Variants in FNIP2 observed in about 807,000 individuals in gnomAD.
FNIP2 encodes folliculin interacting protein 2.
FNIP2 carries 32 observed loss-of-function variants against 108.7 expected under a neutral mutation model. That is an observed-to-expected ratio of 0.29 (90% CI 0.22 to 0.40). FNIP2 has a LOEUF of 0.40. Among genes scored for constraint, FNIP2 ranks in the 10% least tolerant of loss-of-function variants. The pLI is 1.00. For synonymous variants in FNIP2, 480 were observed against 496.7 expected (o/e 0.97, Z 0.45); for missense variants, 1,202 against 1,381.6 (o/e 0.87, Z 2.06).
At chr4:158,826,127 T>C (rs1778142163) in intron 2 of FNIP2, 85 bp downstream of exon 2, 6 of 1,499,108 alleles carry the variant, frequency 4.0e-6, no homozygotes, top group Non-Finnish European at 4.5e-6. Context: ...TATCATCTTC[T>C]CTTTGAGTTA....
chr4:158,882,757 G>A (rs1781754792), intron 14 of FNIP2, among the ~76,000 whole-genome samples: 1 of 152,146 alleles, frequency 6.6e-6, no homozygotes, highest in African/African-American at 2.4e-5. Flanking sequence ...TGGATTAAGG[G>A]CGGTGCAAGA....
intron 15 of FNIP2, among the ~76,000 whole-genome samples, chr4:158,894,931 T>G (rs1392773202): frequency 6.6e-6 from 1 of 152,210 alleles, no homozygotes. Context: ...TCTGTTAATC[T>G]TTTTACCTTG....
At chr4:158,806,935 A>T (rs1777000018) in intron 1 of FNIP2, among the ~76,000 whole-genome samples, 1 of 152,150 alleles carries the variant, frequency 6.6e-6, no homozygotes, top group Non-Finnish European at 1.5e-5. Flanking sequence ...TGAACAGCAA[A>T]TTTTAATAAT....
intron 1 of FNIP2, among the ~76,000 whole-genome samples, chr4:158,782,807 T>C (rs1221246798): frequency 1.3e-5 from 2 of 152,196 alleles, no homozygotes; most frequent in African/African-American, 4.8e-5. Context: ...TAATCTTATC[T>C]ACAGAGTGCT....
chr4:158,773,728 T>C (rs1560746552), intron 1 of FNIP2, among the ~76,000 whole-genome samples: 2 of 152,176 alleles, frequency 1.3e-5, no homozygotes, highest in Non-Finnish European at 2.9e-5. Flanking sequence ...ACTTGCATAT[T>C]AGTTTTTTAA....
intron 12 of FNIP2, among the ~76,000 whole-genome samples, chr4:158,866,680 A>G (rs1314912193): frequency 6.6e-6 from 1 of 151,574 alleles, no homozygotes; most frequent in Non-Finnish European, 1.5e-5. Flanking sequence ...GGTTCAAGTT[A>G]TTCTCCTGCC....
chr4:158,879,059 GT>G lies in FNIP2; in HGVS notation c.2949+8591del, dbSNP rs937100441. Among the ~76,000 whole-genome samples the G allele has an allele frequency of 3.3e-5, 5 of 150,208 alleles. 1 individual carries two copies. The highest frequency in any genetic ancestry group is 1.2e-4 in the African/African-American group (5 of 40,240). On this transcript the variant is annotated intron_variant, in intron 14 of 16. Coordinates refer to ENST00000264433, the MANE Select transcript of FNIP2 (RefSeq NM_020840.3). Reference sequence around the variant, plus strand: ...TATCAAAGAGCAAGTAAAAGATGTGGTGGCCAGAGTGAAGAGACTTTATAGC... The same window carrying G: ...TATCAAAGAGCAAGTAAAAGATGTGGGGCCAGAGTGAAGAGACTTTATAGC...
intron 1 of FNIP2, among the ~76,000 whole-genome samples, chr4:158,822,162 TAG>T (rs1025219679): frequency 7.4e-5 from 11 of 148,984 alleles, no homozygotes; most frequent in African/African-American, 2.2e-4. Context: ...GTAAGAAGAA[TAG>T]AGTTTTCCTC....
At chr4:158,769,354 A>G in intron 1 of FNIP2, 35 bp downstream of exon 1, 1 of 1,419,268 alleles carries the variant, frequency 7.0e-7, no homozygotes, top group Admixed American at 2.4e-5. Flanking sequence ...CTGGCGCGGG[A>G]CCCGAGTTGG....
intron 2 of FNIP2, among the ~76,000 whole-genome samples, chr4:158,827,311 C>G (rs1578874034): frequency 6.6e-6 from 1 of 152,168 alleles, no homozygotes; most frequent in East Asian, 1.9e-4. Flanking sequence ...CATGGATGGT[C>G]TAGTTGAGCA....
chr4:158,882,129 T>TGAGGAGCCCCTCTGCC (rs1781685044), intron 14 of FNIP2, among the ~76,000 whole-genome samples: 1 of 147,894 alleles, frequency 6.8e-6, no homozygotes, highest in Non-Finnish European at 1.5e-5. Context: ...GTCTGAGAAA[T>TGAGGAGCCCCTCTGCC]GAGGAGCCCC....
intron 14 of FNIP2, among the ~76,000 whole-genome samples, chr4:158,873,401 G>C (rs1393122775): frequency 6.6e-6 from 1 of 151,488 alleles, no homozygotes; most frequent in Non-Finnish European, 1.5e-5. Flanking sequence ...TTTTTTTTGA[G>C]GTGGGATCTT....
chr4:158,854,237 A>T (rs1779858454), intron 8 of FNIP2, among the ~76,000 whole-genome samples: 1 of 152,204 alleles, frequency 6.6e-6, no homozygotes, highest in Non-Finnish European at 1.5e-5. Context: ...ATAGAGTTAA[A>T]TATCTGTGCA....
intron 15 of FNIP2, among the ~76,000 whole-genome samples, chr4:158,895,079 A>G (rs1238260928): frequency 6.6e-6 from 1 of 152,228 alleles, no homozygotes; most frequent in Non-Finnish European, 1.5e-5. Context: ...TGAAAGACAC[A>G]GATGGTTGCT....
intron 14 of FNIP2, among the ~76,000 whole-genome samples, chr4:158,874,622 C>A (rs952023931): frequency 6.6e-6 from 1 of 151,998 alleles, no homozygotes; most frequent in Non-Finnish European, 1.5e-5. Flanking sequence ...CCACTGCACT[C>A]CAGCCTGGGT....
intron 1 of FNIP2, among the ~76,000 whole-genome samples, chr4:158,781,927 A>G (rs1289220776): frequency 1.3e-5 from 2 of 152,056 alleles, no homozygotes; most frequent in African/African-American, 4.8e-5. Context: ...AAACAGGTGT[A>G]AAGTTGCCTT....
At chr4:158,859,690 TC>T (rs1457445142) in intron 10 of FNIP2, 24 bp downstream of exon 10, 9 of 1,581,768 alleles carry the variant, frequency 5.7e-6, no homozygotes, top group Non-Finnish European at 7.8e-6. Flanking sequence ...GTTTGGCAAA[TC>T]CAACAGGAGA....
At chr4:158,827,538 A>C (rs1404193723) in intron 2 of FNIP2, among the ~76,000 whole-genome samples, 1 of 152,182 alleles carries the variant, frequency 6.6e-6, no homozygotes, top group Non-Finnish European at 1.5e-5. Flanking sequence ...TCAGTGCTCT[A>C]TTCACTACAC....
intron 1 of FNIP2, among the ~76,000 whole-genome samples, chr4:158,770,502 G>A (rs566660041): frequency 5.9e-5 from 9 of 152,182 alleles, no homozygotes; most frequent in African/African-American, 2.2e-4. Context: ...TGCTTTTCTT[G>A]AATTCCATCA....
Sources: gnomAD v4.1 joint callset for allele counts (sites outside exome capture counted in the v4.1 genomes callset) on GRCh38, gnomAD v4.1.1 for gene constraint, MANE v1.5 for transcripts, NCBI Gene and HGNC (gene_info 2026-07-23, HGNC 2026-07-21) for gene names.